MECOM: variants seen among roughly 807,000 people sequenced by gnomAD.
MECOM encodes the protein MDS1 and EVI1 complex locus, also known as histone-lysine N-methyltransferase MECOM.
A neutral mutation model predicts 116.3 loss-of-function variants in MECOM; 13 were observed. The observed-to-expected ratio is 0.11, with a 90% CI of 0.07 to 0.18. The LOEUF is 0.18. MECOM is among the 10% of genes least tolerant of loss of function. The pLI, the probability that MECOM is intolerant of heterozygous loss-of-function variation, is 1.00. For synonymous variants in MECOM, 528 were observed against 535.2 expected (o/e 0.99, Z 0.19); for missense variants, 1,299 against 1,509.0 (o/e 0.86, Z 2.31).
chr3:169,191,726 A>AAG (rs1347752706), intron 2 of MECOM, among the ~76,000 whole-genome samples: 1 of 55,794 alleles, frequency 1.8e-5, no homozygotes, highest in South Asian at 6.9e-4. Context: ...GAAAAAAAGA[A>AAG]AGAAAGAAAG....
chr3:169,453,253 G>A (rs1745906375), intron 1 of MECOM, among the ~76,000 whole-genome samples: 1 of 152,198 alleles, frequency 6.6e-6, no homozygotes, highest in Admixed American at 6.5e-5. Context: ...TATTTATCCT[G>A]ATTGTGTTTG....
chr3:169,264,481 AAAGCGAAGTATC>A (rs1229692166), intron 2 of MECOM, among the ~76,000 whole-genome samples: 4 of 152,214 alleles, frequency 2.6e-5, no homozygotes, highest in Non-Finnish European at 5.9e-5. Flanking sequence ...CAATTAAAAA[AAAGCGAAGTATC>A]AAGTGCAGAT....
At chr3:169,088,893 G>C in intron 16 of MECOM, 107 bp downstream of exon 16, 1 of 1,040,498 alleles carries the variant, frequency 9.6e-7, no homozygotes, top group East Asian at 2.8e-5. Context: ...ACCCCATTTG[G>C]ATTCTAAAAT....
chr3:169,492,056 G>C (rs778006534), intron 1 of MECOM, among the ~76,000 whole-genome samples: 2 of 152,150 alleles, frequency 1.3e-5, no homozygotes, highest in Non-Finnish European at 1.5e-5. Flanking sequence ...TCCCAAGTTT[G>C]GTACATTAGT....
At position 169,381,514 on chromosome 3, in the gene MECOM, A is replaced by C; in HGVS notation, c.48T>G (p.Cys16Trp). 1 of 1,601,344 alleles carries C rather than the reference A, an allele frequency of 6.2e-7. No individual in the cohort carries two copies. The part of the protein sequence containing the change: ...RARKLATNNE[C>W]VYGNYPEIPL... ...GTATTTCAGGGTAGTTGCCATATACACACTCATTATCTGTGAATAAATAAG... is the reference window on the plus strand; with the variant it reads ...GTATTTCAGGGTAGTTGCCATATACCCACTCATTATCTGTGAATAAATAAG... Residue 16 changes from cysteine (C) to tryptophan (W), a missense_variant, in exon 2 of 17, where the codon TGT (cysteine) becomes TGG (tryptophan). By Grantham distance (215) the Cys-to-Trp change is radical. Around this residue, in one of 6 missense-constraint regions of MECOM, gnomAD observed 374 missense variants for 433.4 expected, o/e 0.86. Coordinates refer to ENST00000651503, the MANE Select transcript of MECOM (RefSeq NM_004991.4).
At chr3:169,468,250 T>C (rs1449495800) in intron 1 of MECOM, among the ~76,000 whole-genome samples, 1 of 152,134 alleles carries the variant, frequency 6.6e-6, no homozygotes, top group Non-Finnish European at 1.5e-5. Flanking sequence ...CTTCCCCAGA[T>C]AACTCCTGCC....
chr3:169,618,827 ATTAAATAT>A (rs1234009483), intron 1 of MECOM, among the ~76,000 whole-genome samples: 3 of 152,206 alleles, frequency 2.0e-5, no homozygotes, highest in Non-Finnish European at 4.4e-5. Context: ...GCATAAATCA[ATTAAATAT>A]TTGCTCAGTA....
intron 1 of MECOM, among the ~76,000 whole-genome samples, chr3:169,397,286 G>A (rs1421617222): frequency 2.0e-5 from 3 of 152,210 alleles, no homozygotes; most frequent in Non-Finnish European, 4.4e-5. Flanking sequence ...CATAGTTTCT[G>A]TGACGATGCA....
chr3:169,563,790 G>T (rs1762926838), intron 1 of MECOM, among the ~76,000 whole-genome samples: 1 of 152,146 alleles, frequency 6.6e-6, no homozygotes, highest in Non-Finnish European at 1.5e-5. Flanking sequence ...AAATGAAGCT[G>T]AGTCAGTTCT....
Position 169,382,854 on chromosome 3 carries a change from AAAAAAAAAAATAAAAAAAAT to A in MECOM, c.38-1350_38-1331del, listed in dbSNP as rs1368126927. 4.1e-5 allele frequency among the ~76,000 whole-genome samples: 4 copies of A among 97,860 alleles called. 1 individual carries two copies. Among genetic ancestry groups the A allele is most frequent in the African/African-American group, 1.5e-4 (4 of 26,624 alleles). The allele number at this position is 97,860 out of a possible 152,430, so 64.2% of individuals were successfully genotyped here. ...AAGAGACTGAAAGCCCATCTCAAAA[AAAAAAAAAAATAAAAAAAAT>A]AAAAAAAGAAGGTAAAATGGGTTGC... is the stretch of plus-strand genomic sequence containing the variant. On this transcript the variant is annotated intron_variant, in intron 1 of 16. Coordinates refer to ENST00000651503, the MANE Select transcript of MECOM (RefSeq NM_004991.4).
chr3:169,388,712 G>A (rs1215834991), intron 1 of MECOM, among the ~76,000 whole-genome samples: 1 of 152,058 alleles, frequency 6.6e-6, no homozygotes, highest in Non-Finnish European at 1.5e-5. Flanking sequence ...TGGAGTGTTT[G>A]GACACTGGAC....
At chr3:169,291,433 C>T (rs1352045155) in intron 2 of MECOM, among the ~76,000 whole-genome samples, 2 of 152,096 alleles carry the variant, frequency 1.3e-5, no homozygotes, top group African/African-American at 4.8e-5. Context: ...CTTATACTTT[C>T]CTCTAAATTC....
Position 169,495,429 on chromosome 3 carries a change from G to A in MECOM, c.38-113905C>T, listed in dbSNP as rs186376813. On this transcript the variant is annotated intron_variant, in intron 1 of 16. Transcript: ENST00000651503. ...TAAACACACCATATTATAATATTCT[G>A]AGCTACAATTAGAGTCTGTATTTTA... 2.8e-4 allele frequency among the ~76,000 whole-genome samples: 43 copies of A among 152,204 alleles called. No homozygotes were observed. In the East Asian group the frequency reaches 7.3e-3, roughly 26 times the overall value.
intron 2 of MECOM, among the ~76,000 whole-genome samples, chr3:169,261,870 A>G (rs1322939211): frequency 2.0e-5 from 3 of 152,250 alleles, no homozygotes; most frequent in South Asian, 4.1e-4. Context: ...TTACAAATGC[A>G]GAAGTACAGA....
chr3:169,237,489 A>G (rs914991429), intron 2 of MECOM, among the ~76,000 whole-genome samples: 3 of 151,892 alleles, frequency 2.0e-5, no homozygotes, highest in Admixed American at 2.0e-4. Context: ...TATTATTTTT[A>G]TAGAACTTGT....
chr3:169,159,609 G>C (rs892120842), intron 2 of MECOM, among the ~76,000 whole-genome samples: 1 of 152,108 alleles, frequency 6.6e-6, no homozygotes, highest in Admixed American at 6.5e-5. Context: ...GAAGTTATTA[G>C]GGTTAAACAA....
At chr3:169,159,706 A>C (rs1034521070) in intron 2 of MECOM, among the ~76,000 whole-genome samples, 1 of 152,236 alleles carries the variant, frequency 6.6e-6, no homozygotes. Flanking sequence ...GATAGCATAA[A>C]TCCAAATAAA....
At chr3:169,257,794 G>A (rs746691949) in intron 2 of MECOM, among the ~76,000 whole-genome samples, 4 of 152,280 alleles carry the variant, frequency 2.6e-5, no homozygotes, top group Middle Eastern at 3.4e-3. Flanking sequence ...AGGAGCTGCC[G>A]TAATGGTGTG....
chr3:169,332,974 T>C (rs541814088), intron 2 of MECOM, among the ~76,000 whole-genome samples: 7 of 152,262 alleles, frequency 4.6e-5, no homozygotes, highest in African/African-American at 1.4e-4. Context: ...AAGCACAGCA[T>C]TGAAGAAAAA....
Sources: allele counts gnomAD v4.1 joint callset (sites outside exome capture counted in the v4.1 genomes callset), GRCh38; gene constraint gnomAD v4.1.1; regional missense constraint gnomAD v4.1.1; transcripts MANE v1.5; gene names NCBI Gene and HGNC (gene_info 2026-07-23, HGNC 2026-07-21).